Variants in PDE4B observed in about 807,000 individuals in gnomAD.
The protein encoded by PDE4B is 3',5'-cyclic-AMP phosphodiesterase 4B.
In PDE4B, 20 loss-of-function variants were observed where a neutral mutation model predicts 82.2. The ratio of observed to expected loss-of-function variants is 0.24; its 90% confidence interval spans 0.17 to 0.35. The LOEUF (loss-of-function observed/expected upper bound fraction) is 0.35. Ranked by LOEUF, PDE4B falls within the 10% of genes least tolerant of loss-of-function variation. PDE4B has a pLI of 1.00. For missense variants in PDE4B, 655 were observed against 907.2 expected (o/e 0.72, Z 3.57); for synonymous variants, 320 against 318.9 (o/e 1.00, Z -0.04).
At chr1:65,914,659 C>T (rs17128123) in intron 2 of PDE4B, among the ~76,000 whole-genome samples, 9,727 of 149,430 alleles carry the variant, frequency 0.065, 687 homozygotes, top group East Asian at 0.36. Context: ...ATACTGTGTG[C>T]GCCAATATTT....
chr1:66,136,692 C>A (rs1205216563), intron 3 of PDE4B, among the ~76,000 whole-genome samples: 5 of 119,618 alleles, frequency 4.2e-5, no homozygotes, highest in Admixed American at 8.4e-5. Flanking sequence ...AGCAAGACTC[C>A]CTCTCAAAAA....
At chr1:66,252,479 A>C (rs1455405965) in intron 4 of PDE4B, among the ~76,000 whole-genome samples, 1 of 152,216 alleles carries the variant, frequency 6.6e-6, no homozygotes, top group Non-Finnish European at 1.5e-5. Context: ...TGCTCAGAAC[A>C]CTTACATTAG....
chr1:65,919,558 A>C (rs182925678), intron 3 of PDE4B, among the ~76,000 whole-genome samples: 27 of 152,332 alleles, frequency 1.8e-4, no homozygotes, highest in Non-Finnish European at 4.4e-5. Context: ...ATTGGCTTAC[A>C]TATCATGGAG....
chr1:66,244,574 C>T (rs761152607), intron 3 of PDE4B, among the ~76,000 whole-genome samples: 17 of 152,116 alleles, frequency 1.1e-4, no homozygotes, highest in Non-Finnish European at 1.8e-4. Flanking sequence ...ATCTGTGGGA[C>T]GTATTGTGAT....
chr1:65,883,376 C>T (rs975285304), intron 1 of PDE4B, among the ~76,000 whole-genome samples: 1 of 152,100 alleles, frequency 6.6e-6, no homozygotes, highest in Non-Finnish European at 1.5e-5. Context: ...CCTCACATCC[C>T]TTGTAAGTTA....
At chr1:66,066,336 C>G (rs1655846480) in intron 3 of PDE4B, among the ~76,000 whole-genome samples, 1 of 151,708 alleles carries the variant, frequency 6.6e-6, no homozygotes, top group Admixed American at 6.6e-5. Flanking sequence ...CATGTAGATA[C>G]AGAAAAAGCT....
chr1:65,956,279 G>T (rs1052066737), intron 3 of PDE4B, among the ~76,000 whole-genome samples: 1 of 152,138 alleles, frequency 6.6e-6, no homozygotes, highest in Admixed American at 6.6e-5. Flanking sequence ...AGTATTTTTA[G>T]TTCCTTGGGT....
At chr1:66,249,355 T>G (rs1653573723) in intron 4 of PDE4B, among the ~76,000 whole-genome samples, 1 of 152,212 alleles carries the variant, frequency 6.6e-6, no homozygotes, top group African/African-American at 2.4e-5. Context: ...TTTGAAATCT[T>G]GTCATTCCCC....
chr1:66,194,086 C>T (rs1648064276), intron 3 of PDE4B, among the ~76,000 whole-genome samples: 1 of 151,636 alleles, frequency 6.6e-6, no homozygotes. Context: ...AACTCACTTT[C>T]TTCTGTTCTT....
intron 3 of PDE4B, among the ~76,000 whole-genome samples, chr1:66,027,756 G>A (rs1211129476): frequency 6.6e-6 from 1 of 152,132 alleles, no homozygotes; most frequent in Non-Finnish European, 1.5e-5. Context: ...AAATCCAACG[G>A]GGCAGTCAAA....
In PDE4B at chr1:65,918,642, T is replaced by C; in HGVS notation, c.88T>C (p.Ser30Pro). 6.2e-7 allele frequency: 1 copy of C among 1,613,364 alleles called. No homozygotes were observed. Among genetic ancestry groups the C allele is most frequent in the Non-Finnish European group, 8.5e-7 (1 of 1,179,258 alleles). Residue 30 changes from serine to proline, a missense_variant, in exon 3 of 17, where the codon TCT (serine) becomes CCT (proline). By Grantham distance (74) the Ser-to-Pro change is moderately conservative. This residue lies in a region of PDE4B where 253 missense variants were observed against 275.6 expected (regional missense o/e 0.92). Transcript: ENST00000341517. The stretch of plus-strand genomic sequence containing the variant: ...ATGTAGCTTGAGTAAATCCTACAGT[T>C]CTTCCAGTAACACACTTGGGATCGA... ...FECSLSKSYS[S>P]SSNTLGIDLW...
chr1:65,957,491 A>G (rs573167704), intron 3 of PDE4B, among the ~76,000 whole-genome samples: 1 of 151,168 alleles, frequency 6.6e-6, no homozygotes, highest in East Asian at 2.0e-4. Flanking sequence ...ATTTTCTCCT[A>G]CTCTGTCACT....
At chr1:65,850,728 A>T (rs954861441) in intron 1 of PDE4B, among the ~76,000 whole-genome samples, 7 of 152,158 alleles carry the variant, frequency 4.6e-5, no homozygotes, top group African/African-American at 1.7e-4. Flanking sequence ...ACCCCCAAAT[A>T]TATGTTACAA....
intron 1 of PDE4B, among the ~76,000 whole-genome samples, chr1:65,805,839 T>C (rs1453992008): frequency 6.6e-6 from 1 of 152,190 alleles, no homozygotes; most frequent in Non-Finnish European, 1.5e-5. Flanking sequence ...ATTTTGAATC[T>C]TGATCCTTTA....
Position 65,918,637 on chromosome 1 carries a change from A to G in PDE4B, c.83A>G (p.Tyr28Cys), listed in dbSNP as rs2100476871. The change falls in exon 3 of 17, where the codon TAC (tyrosine) becomes TGC (cysteine). Residue 28 changes from tyrosine (Y) to cysteine (C), a missense_variant. Transcript: ENST00000341517. ...DYFECSLSKS[Y>C]SSSSNTLGID... ...TTTGAATGTAGCTTGAGTAAATCCT[A>G]CAGTTCTTCCAGTAACACACTTGGG... 1 of 1,612,638 alleles carries G rather than the reference A, an allele frequency of 6.2e-7. No homozygotes were observed. The highest frequency in any genetic ancestry group is 1.3e-5 in the African/African-American group (1 of 75,016).
At chr1:66,184,816 TCTTTAA>T (rs1449307905) in intron 3 of PDE4B, among the ~76,000 whole-genome samples, 1 of 151,410 alleles carries the variant, frequency 6.6e-6, no homozygotes, top group Non-Finnish European at 1.5e-5. Context: ...TTTTTTTAAC[TCTTTAA>T]CTTTATTGTG....
At chr1:65,933,751 A>G (rs1377251029) in intron 3 of PDE4B, among the ~76,000 whole-genome samples, 1 of 152,212 alleles carries the variant, frequency 6.6e-6, no homozygotes, top group African/African-American at 2.4e-5. Context: ...AGTTGCAACA[A>G]ATGACACAAA....
chr1:66,237,367 G>C (rs6678048), intron 3 of PDE4B, among the ~76,000 whole-genome samples: 31,330 of 152,030 alleles, frequency 0.21, 6,698 homozygotes, highest in African/African-American at 0.53. Flanking sequence ...TTCCTTCCAC[G>C]TCTCTACCTC....
chr1:66,155,493 T>C (rs1646484761), intron 3 of PDE4B, among the ~76,000 whole-genome samples: 1 of 152,140 alleles, frequency 6.6e-6, no homozygotes, highest in Non-Finnish European at 1.5e-5. Context: ...TTAAAATTAA[T>C]TTTTAGCAAG....
Sources: allele counts gnomAD v4.1 joint callset (sites outside exome capture counted in the v4.1 genomes callset), GRCh38; gene constraint gnomAD v4.1.1; regional missense constraint gnomAD v4.1.1; transcripts MANE v1.5; gene names NCBI Gene and HGNC (gene_info 2026-07-23, HGNC 2026-07-21).